Variants in CYTL1 observed in about 807,000 individuals in gnomAD.
The protein encoded by CYTL1 is cytokine like 1, also known as cytokine-like protein 1.
A neutral mutation model predicts 13.1 loss-of-function variants in CYTL1; 17 were observed. That is an observed-to-expected ratio of 1.29 (90% confidence interval 0.89 to 1.94). CYTL1 has a LOEUF of 1.94. Ranked by LOEUF, CYTL1 falls within the 30% of genes most tolerant of loss-of-function variation. The probability of loss-of-function intolerance (pLI) is 0.00; values close to 1 mark genes in which losing one functional copy is unlikely to be tolerated. For missense variants in CYTL1, 213 were observed against 174.8 expected, an observed-to-expected ratio of 1.22 and a Z score of -1.23; for synonymous variants, 91 against 79.4, an observed-to-expected ratio of 1.15 and a Z score of -0.78.
chr4:5,015,751 C>T (rs1331791737), intron 3 of CYTL1, among the ~76,000 whole-genome samples: 1 of 152,190 alleles, frequency 6.6e-6, no homozygotes, highest in Non-Finnish European at 1.5e-5. Flanking sequence ...TAGCTAATTA[C>T]TGCAGTTTCC....
At chr4:5,018,313 T>C (rs1220875187) in intron 1 of CYTL1, among the ~76,000 whole-genome samples, 1 of 152,200 alleles carries the variant, frequency 6.6e-6, no homozygotes, top group Non-Finnish European at 1.5e-5. Flanking sequence ...GGTGGTAGAA[T>C]TACAAGCAAG....
chr4:5,016,844 A>G lies in CYTL1; in HGVS notation c.319T>C (p.Cys107Arg). ...RKLYTIMNSF[C>R]RRDLVFLLDD... Reference sequence around the variant, plus strand: ...CAATGGCATCCACTTACTCTCCTGCAGAACGAGTTCATGATGGTGTACAGC... The same window carrying G: ...CAATGGCATCCACTTACTCTCCTGCGGAACGAGTTCATGATGGTGTACAGC... The change falls in exon 3 of 4, where the codon TGC becomes CGC. Residue 107 changes from cysteine to arginine, a missense_variant. Coordinates refer to ENST00000307746, the MANE Select transcript of CYTL1 (RefSeq NM_018659.3). The G allele has an allele frequency of 1.9e-6, 3 of 1,614,226 alleles. No individual in the cohort carries two copies. The highest frequency in any genetic ancestry group is 2.5e-6 in the Non-Finnish European group (3 of 1,180,032).
In CYTL1 at chr4:5,016,938, C is replaced by G; in HGVS notation, c.225G>C (p.Arg75=). 6.2e-7 allele frequency: 1 copy of G among 1,614,194 alleles called. No homozygotes were observed. Among genetic ancestry groups the G allele is most frequent in the Non-Finnish European group, 8.5e-7 (1 of 1,180,036 alleles). Residue 75 remains arginine, a synonymous_variant, in exon 3 of 4, where the codon CGG becomes CGC. Coordinates refer to ENST00000307746, the MANE Select transcript of CYTL1 (RefSeq NM_018659.3). ...AACACGGGGGCGAGGCCACAAAGTC[C>G]CGCAGCTTGTCCAGCACACAGTAAT... ...IHNYCVLDKL[R]DFVASPPCWK...
chr4:5,017,880 G>A lies in CYTL1; in HGVS notation c.154-701C>T, dbSNP rs10002918. The stretch of plus-strand genomic sequence containing the variant: ...GCAGGGCTGAAGGGCAAAAGCCCTC[G>A]TGCTCTGCCCTCTCAGTAATCCCCG... On this transcript the variant is annotated intron_variant, in intron 1 of 3. Transcript: ENST00000307746. Among the ~76,000 whole-genome samples the A allele has an allele frequency of 3.3e-3, 508 of 152,250 alleles. 4 individuals are homozygous for A. The highest frequency in any genetic ancestry group is 0.011 in the African/African-American group (475 of 41,556).
Position 5,015,145 on chromosome 4 carries a change from G to T in CYTL1, c.*6C>A. The T allele has an allele frequency of 6.2e-7, 1 of 1,613,154 alleles. No homozygotes were observed. The highest frequency in any genetic ancestry group is 1.1e-5 in the South Asian group (1 of 90,920). On this transcript the variant is annotated 3_prime_UTR_variant, in exon 4 of 4. Transcript: ENST00000307746. ...CTCTTGGGTTCTTTCTCTGGTCTCA[G>T]TTCCCTTAGCGCTGACGATCTGGCA...
At position 5,017,157 on chromosome 4, in the gene CYTL1, G is replaced by A. The variant is rs1256413700; in HGVS notation, c.176C>T (p.Pro59Leu). Residue 59 changes from proline (P) to leucine (L), a missense_variant, in exon 2 of 4, where the codon CCC (proline) becomes CTC (leucine). Transcript: ENST00000307746. ...TACGTGTATGTCCAGGTACAGCCTG[G>A]GCAGGTATCTCACACATGGCTCCTG... is the stretch of plus-strand genomic sequence containing the variant. ...EPSEPCVRYL[P>L]RLYLDIHNYC... The A allele has an allele frequency of 1.9e-6, 3 of 1,613,978 alleles. No homozygotes were observed. Among genetic ancestry groups the A allele is most frequent in the Middle Eastern group, 1.7e-4 (1 of 6,060 alleles).
At chr4:5,017,007 T>C (rs1741089490) in intron 2 of CYTL1, 43 bp from the exon 3 acceptor site, 4 of 1,613,136 alleles carry the variant, frequency 2.5e-6, no homozygotes, top group Non-Finnish European at 3.4e-6. Context: ...GAGAAGTCAG[T>C]AGCAAGAGGA....
intron 3 of CYTL1, 136 bp downstream of exon 3, chr4:5,016,700 G>A (rs1025331390): frequency 9.0e-7 from 1 of 1,114,218 alleles, no homozygotes; most frequent in East Asian, 2.4e-5. Flanking sequence ...AAAGGGCTTT[G>A]TGAACTGAAA....
At position 5,015,169 on chromosome 4, in the gene CYTL1, C is replaced by A; in HGVS notation, c.393G>T (p.Leu131=). 2 of 1,613,962 alleles carry A rather than the reference C, an allele frequency of 1.2e-6. No homozygotes were observed. Among genetic ancestry groups the A allele is most frequent in the Non-Finnish European group, 8.5e-7 (1 of 1,179,918 alleles). ...AGTTCCCTTAGCGCTGACGATCTGG[C>A]AGGACCGTAGTCACTGGGATTGGGT... ...LEYPIPVTTV[L]PDRQR Residue 131 remains leucine, a synonymous_variant, in exon 4 of 4, where the codon CTG becomes CTT. Transcript: ENST00000307746.
At chr4:5,017,302 G>C (rs28652843) in intron 1 of CYTL1, 123 bp from the exon 2 acceptor site, 3 of 802,798 alleles carry the variant, frequency 3.7e-6, no homozygotes, top group African/African-American at 3.4e-5. Flanking sequence ...CTGATGCTAC[G>C]ACATGCACAG....
rs529941365 is a variant in CYTL1, at chr4:5,019,202, T to TCC, written c.153+90_153+91insGG. 8.4e-4 allele frequency: 970 copies of TCC among 1,156,416 alleles called. 7 individuals carry two copies. The African/African-American group carries it at 0.014, about 17-fold the overall frequency. The allele number at this position is 1,156,416 out of a possible 1,614,324, so 71.6% of individuals were successfully genotyped here. On this transcript the variant is annotated intron_variant, in intron 1 of 3. Coordinates refer to ENST00000307746, the MANE Select transcript of CYTL1 (RefSeq NM_018659.3). ...ACTAGAAAAGAAAAATATCCTTTTCTCTCTCTCTCTCTTTTTTTTTTCGTG... is the reference window on the plus strand; with the variant it reads ...ACTAGAAAAGAAAAATATCCTTTTCTCCCTCTCTCTCTCTTTTTTTTTTCGTG...
chr4:5,016,754 C>T (rs1741081601), intron 3 of CYTL1, 82 bp downstream of exon 3: 3 of 1,540,442 alleles, frequency 1.9e-6, no homozygotes, highest in Non-Finnish European at 2.7e-6. Context: ...TCACCATCTC[C>T]TCCCAACTCT....
At chr4:5,019,003 C>CTTTTTTTTTTTTTTTTTTTTTTTTT (rs1186542271) in intron 1 of CYTL1, among the ~76,000 whole-genome samples, 1 of 89,646 alleles carries the variant, frequency 1.1e-5, no homozygotes, top group Non-Finnish European at 2.1e-5. Flanking sequence ...TTTCTTTTTT[C>CTTTTTTTTTTTTTTTTTTTTTTTTT]TTTTTTTTTT....
intron 2 of CYTL1, 56 bp from the exon 3 acceptor site, chr4:5,017,020 A>G: frequency 6.2e-7 from 1 of 1,611,194 alleles, no homozygotes; most frequent in Non-Finnish European, 8.5e-7. Flanking sequence ...CAAGAGGAAC[A>G]GGGACTGAGC....
chr4:5,015,819 C>T (rs547564311), intron 3 of CYTL1, among the ~76,000 whole-genome samples: 1 of 152,180 alleles, frequency 6.6e-6, no homozygotes, highest in South Asian at 2.1e-4. Flanking sequence ...AGTCACTCTA[C>T]TAGGCTTCTT....
At chr4:5,018,209 C>G (rs1406913494) in intron 1 of CYTL1, among the ~76,000 whole-genome samples, 3 of 152,140 alleles carry the variant, frequency 2.0e-5, no homozygotes, top group Non-Finnish European at 4.4e-5. Flanking sequence ...TTTACACACA[C>G]ACACACACAC....
At chr4:5,015,333 T>C in intron 3 of CYTL1, 99 bp from the exon 4 acceptor site, 1 of 904,426 alleles carries the variant, frequency 1.1e-6, no homozygotes, top group South Asian at 1.5e-5. Flanking sequence ...GCCATTCAGT[T>C]GTTCCTCTTT....
chr4:5,019,417 AG>A lies in CYTL1; in HGVS notation c.28del (p.Leu10CysfsTer25). On this transcript the variant is annotated frameshift_variant, in exon 1 of 4. Coordinates refer to ENST00000307746, the MANE Select transcript of CYTL1 (RefSeq NM_018659.3). LOFTEE classifies it high-confidence loss of function. Reference sequence around the variant, plus strand: ...GGGGGCTCCCGCCAGGAGCAGCAGCAGCACGGGCAGAGGCCCAGGCGTCCTC... The same window carrying A: ...GGGGGCTCCCGCCAGGAGCAGCAGCACACGGGCAGAGGCCCAGGCGTCCTC... MRTPGPLPV[L>X]LLLLAGAPAA... is the part of the protein sequence containing the mutation. 6.7e-7 allele frequency: 1 copy of A among 1,485,284 alleles called. No homozygotes were observed. The highest frequency in any genetic ancestry group is 8.9e-7 in the Non-Finnish European group (1 of 1,126,222). The allele number at this position is 1,485,284 out of a possible 1,614,324, so 92.0% of individuals were successfully genotyped here.
Position 5,019,421 on chromosome 4 carries a change from C to T in CYTL1, c.25G>A (p.Val9Met), listed in dbSNP as rs770959206. The T allele has an allele frequency of 2.0e-6, 3 of 1,479,482 alleles. No homozygotes were observed. Among genetic ancestry groups the T allele is most frequent in the East Asian group, 2.8e-5 (1 of 35,518 alleles). The allele number at this position is 1,479,482 out of a possible 1,614,324, so 91.6% of individuals were successfully genotyped here. The change falls in exon 1 of 4, where the codon GTG becomes ATG. Residue 9 changes from valine to methionine, a missense_variant. Val to Met is a conservative substitution (Grantham distance 21). Transcript: ENST00000307746. ...GCTCCCGCCAGGAGCAGCAGCAGCACGGGCAGAGGCCCAGGCGTCCTCATG... is the reference window on the plus strand; with the variant it reads ...GCTCCCGCCAGGAGCAGCAGCAGCATGGGCAGAGGCCCAGGCGTCCTCATG... MRTPGPLP[V>M]LLLLLAGAPA... is the part of the protein sequence containing the mutation.
Sources: gnomAD v4.1 joint callset for allele counts (sites outside exome capture counted in the v4.1 genomes callset) on GRCh38, gnomAD v4.1.1 for gene constraint, MANE v1.5 for transcripts, NCBI Gene and HGNC (gene_info 2026-07-23, HGNC 2026-07-21) for gene names.